Variants in IL1RAPL2 observed in about 807,000 individuals in gnomAD.
The protein encoded by IL1RAPL2 is interleukin 1 receptor accessory protein like 2.
IL1RAPL2 carries 3 observed loss-of-function variants against 44.1 expected under a neutral mutation model. The ratio of observed to expected loss-of-function variants is 0.07; its 90% confidence interval spans 0.03 to 0.18. IL1RAPL2 has a LOEUF of 0.18. Among genes scored for constraint, IL1RAPL2 ranks in the 10% least tolerant of loss-of-function variants. The pLI is 1.00. For missense variants in IL1RAPL2, 391 were observed against 496.4 expected, an observed-to-expected ratio of 0.79 and a Z score of 2.02; for synonymous variants, 181 against 178.8, an observed-to-expected ratio of 1.01 and a Z score of -0.10.
chrX:105,019,428 G>A (rs193134868), intron 2 of IL1RAPL2, among the ~76,000 whole-genome samples: 2 of 111,370 alleles, frequency 1.8e-5, no homozygotes, highest in East Asian at 5.7e-4. Flanking sequence ...ATAATTAGTA[G>A]TAACACATAT....
At chrX:105,111,729 A>G (rs771293290) in intron 2 of IL1RAPL2, among the ~76,000 whole-genome samples, 7 of 111,684 alleles carry the variant, frequency 6.3e-5, no homozygotes, top group Admixed American at 9.5e-5. Context: ...AGTCTTTGGG[A>G]AAATATTTCT....
chrX:104,909,710 C>G (rs1924167583), intron 2 of IL1RAPL2, among the ~76,000 whole-genome samples: 1 of 112,201 alleles, frequency 8.9e-6, no homozygotes, highest in Non-Finnish European at 1.9e-5. Context: ...CTTCTCAGAT[C>G]TCCAGCTGCT....
intron 2 of IL1RAPL2, among the ~76,000 whole-genome samples, chrX:104,975,349 A>G (rs767432669): frequency 8.9e-6 from 1 of 111,992 alleles, no homozygotes; most frequent in African/African-American, 3.3e-5. Context: ...TGGCTTAACC[A>G]TACACTTTTC....
Position 105,195,724 on chromosome X carries a change from G to C in IL1RAPL2, c.332G>C (p.Ser111Thr). The C allele has an allele frequency of 8.3e-7, 1 of 1,211,783 alleles. No individual in the cohort carries two copies. The highest frequency in any genetic ancestry group is 1.1e-6 in the Non-Finnish European group (1 of 895,356). ...TTTCACTCAGCTGAGGCACAAGACA[G>C]TGGATTCTACACTTGTGTTTTAAGG... is the stretch of plus-strand genomic sequence containing the variant. ...IWFHSAEAQD[S>T]GFYTCVLRNS... The change falls in exon 3 of 11, where the codon AGT becomes ACT. Residue 111 changes from serine to threonine, a missense_variant. Physicochemically the swap from Ser to Thr is moderately conservative, Grantham distance 58. Transcript: ENST00000372582.
intron 2 of IL1RAPL2, among the ~76,000 whole-genome samples, chrX:104,705,689 C>T (rs1931353259): frequency 9.0e-6 from 1 of 111,208 alleles, no homozygotes; most frequent in Non-Finnish European, 1.9e-5. Context: ...ACGTTTTAGT[C>T]AGGTTTCCTG....
At chrX:104,784,230 C>T (rs1009119900) in intron 2 of IL1RAPL2, among the ~76,000 whole-genome samples, 1 of 112,229 alleles carries the variant, frequency 8.9e-6, no homozygotes, top group Non-Finnish European at 1.9e-5. Flanking sequence ...AATTGTGCTA[C>T]TCTTAGCTTC....
intron 5 of IL1RAPL2, among the ~76,000 whole-genome samples, chrX:105,393,811 A>G (rs1462472892): frequency 1.8e-5 from 2 of 111,752 alleles, no homozygotes; most frequent in African/African-American, 6.5e-5. Context: ...ACATATTACT[A>G]TGCTAGGCAC....
At chrX:105,039,358 A>G (rs1318779698) in intron 2 of IL1RAPL2, among the ~76,000 whole-genome samples, 1 of 112,058 alleles carries the variant, frequency 8.9e-6, no homozygotes, top group Non-Finnish European at 1.9e-5. Context: ...GAGATGAAAC[A>G]AATCGTTGTT....
chrX:105,552,653 G>A (rs2147803479), intron 6 of IL1RAPL2, among the ~76,000 whole-genome samples: 1 of 111,870 alleles, frequency 8.9e-6, no homozygotes, highest in Admixed American at 9.5e-5. Context: ...GAATCCCAGA[G>A]TATTCTTGGA....
chrX:105,733,836 C>T (rs1442782781), intron 7 of IL1RAPL2, among the ~76,000 whole-genome samples: 2 of 111,643 alleles, frequency 1.8e-5, no homozygotes, highest in Non-Finnish European at 1.9e-5. Flanking sequence ...TTTGCTTTGT[C>T]TCTTCAAACT....
chrX:104,648,206 A>G (rs1436429723), intron 1 of IL1RAPL2, among the ~76,000 whole-genome samples: 2 of 111,802 alleles, frequency 1.8e-5, no homozygotes, highest in African/African-American at 6.5e-5. Flanking sequence ...GTCTATCCAT[A>G]CCTCTTTATC....
At chrX:104,873,225 G>C (rs887448462) in intron 2 of IL1RAPL2, among the ~76,000 whole-genome samples, 1 of 110,681 alleles carries the variant, frequency 9.0e-6, no homozygotes, top group African/African-American at 3.3e-5. Flanking sequence ...AGCTCTGTGA[G>C]GTAACTATTA....
At chrX:105,152,400 C>G (rs1234862557) in intron 2 of IL1RAPL2, among the ~76,000 whole-genome samples, 3 of 111,701 alleles carry the variant, frequency 2.7e-5, no homozygotes, top group Non-Finnish European at 5.7e-5. Context: ...TTCTAAGTTG[C>G]CTCTGCATAG....
chrX:105,193,319 C>A, intron 2 of IL1RAPL2, among the ~76,000 whole-genome samples: 1 of 111,044 alleles, frequency 9.0e-6, no homozygotes, highest in East Asian at 2.8e-4. Flanking sequence ...TAGGGGAAAA[C>A]AAAAACTGAA....
At chrX:105,409,853 C>CAGACAGAT (rs1556311313) in intron 5 of IL1RAPL2, among the ~76,000 whole-genome samples, 3 of 34,184 alleles carry the variant, frequency 8.8e-5, no homozygotes, top group Non-Finnish European at 1.3e-4. Context: ...GATAGACAGA[C>CAGACAGAT]AGACAGACAG....
chrX:105,641,574 G>C (rs2037569921), intron 6 of IL1RAPL2, among the ~76,000 whole-genome samples: 1 of 111,610 alleles, frequency 9.0e-6, no homozygotes, highest in Non-Finnish European at 1.9e-5. Flanking sequence ...AGAGATAATG[G>C]AGAGAGGAGT....
At chrX:104,606,914 A>G (rs1275823461) in intron 1 of IL1RAPL2, among the ~76,000 whole-genome samples, 1 of 112,193 alleles carries the variant, frequency 8.9e-6, no homozygotes, top group Non-Finnish European at 1.9e-5. Context: ...GAACCAAAAA[A>G]GAGCCCGCAT....
Position 104,983,147 on chromosome X carries a change from T to C in IL1RAPL2, c.83-212328T>C, listed in dbSNP as rs2030474492. On this transcript the variant is annotated intron_variant, in intron 2 of 10. Transcript: ENST00000372582. ...CTGTATCTTAAGGCATGCTTTGTCA[T>C]CTACTAACTTTCTACTCATTGGGAT... 2.7e-5 allele frequency among the ~76,000 whole-genome samples: 3 copies of C among 109,568 alleles called. No homozygotes were observed. In the South Asian group the frequency reaches 1.1e-3, roughly 41 times the overall value.
chrX:104,800,297 T>C (rs1408945395), intron 2 of IL1RAPL2, among the ~76,000 whole-genome samples: 1 of 110,656 alleles, frequency 9.0e-6, no homozygotes, highest in Non-Finnish European at 1.9e-5. Flanking sequence ...GAGATGATAA[T>C]GAAATCACCC....
Sources: allele counts gnomAD v4.1 joint callset (sites outside exome capture counted in the v4.1 genomes callset), GRCh38; gene constraint gnomAD v4.1.1; transcripts MANE v1.5; gene names NCBI Gene and HGNC (gene_info 2026-07-23, HGNC 2026-07-21).